MYH2: variants seen among roughly 807,000 people sequenced by gnomAD.
MYH2 encodes myosin heavy chain 2, also known as myosin-2.
A neutral mutation model predicts 228.1 loss-of-function variants in MYH2; 139 were observed. That is an observed-to-expected ratio of 0.61 (90% CI 0.53 to 0.70). The LOEUF is 0.70. MYH2 is among the 30% of genes least tolerant of loss of function. MYH2 has a pLI of 0.00. For synonymous variants in MYH2, 796 were observed against 871.1 expected (o/e 0.91, Z 1.52); for missense variants, 1,809 against 2,357.5 (o/e 0.77, Z 4.82).
At chr17:10,523,981 C>G in intron 35 of MYH2, 97 bp from the exon 36 acceptor site, 2 of 1,188,032 alleles carry the variant, frequency 1.7e-6, no homozygotes, top group Non-Finnish European at 2.4e-6. Flanking sequence ...ATTTGCAAGT[C>G]AAAAAATGCC....
chr17:10,542,958 G>A lies in MYH2; in HGVS notation c.821C>T (p.Ser274Phe). ...AGCCTTAAGCTGGAAAACAACTCTA[G>A]ACTTCTCTAGCAGATCTGGAAGGAA... ...ADIETYLLEK[S>F]RVVFQLKAER... Residue 274 changes from serine to phenylalanine, a missense_variant, in exon 10 of 40, where the codon TCT becomes TTT. Transcript: ENST00000245503. 1 of 1,611,982 alleles carries A rather than the reference G, an allele frequency of 6.2e-7. No individual in the cohort carries two copies. The highest frequency in any genetic ancestry group is 8.5e-7 in the Non-Finnish European group (1 of 1,178,314).
At position 10,528,842 on chromosome 17, in the gene MYH2, G is replaced by A. The variant is rs2073387193; in HGVS notation, c.3592C>T (p.Leu1198=). 1.9e-6 allele frequency: 3 copies of A among 1,614,208 alleles called. No individual in the cohort carries two copies. The highest frequency in any genetic ancestry group is 1.1e-5 in the South Asian group (1 of 91,082). The change falls in exon 27 of 40, where the codon CTG becomes TTG. Residue 1198 remains leucine (L), a synonymous_variant. Transcript: ENST00000245503. Reference sequence around the variant, plus strand: ...ACACTATCTGCATGCTTCTTCCTCAGGGTGGCCGCTGTGGCTTCATGCTGT... The same window carrying A: ...ACACTATCTGCATGCTTCTTCCTCAAGGTGGCCGCTGTGGCTTCATGCTGT... ...TLQHEATAAT[L]RKKHADSVAE...
chr17:10,540,824 T>A, intron 10 of MYH2, 127 bp from the exon 11 acceptor site: 1 of 725,314 alleles, frequency 1.4e-6, no homozygotes, highest in Non-Finnish European at 2.4e-6. Context: ...AGGGACCGGC[T>A]GAAGCCATGG....
At position 10,526,672 on chromosome 17, in the gene MYH2, T is replaced by C; in HGVS notation, c.4114A>G (p.Thr1372Ala). 2 of 1,614,046 alleles carry C rather than the reference T, an allele frequency of 1.2e-6. No homozygotes were observed. The highest frequency in any genetic ancestry group is 1.7e-6 in the Non-Finnish European group (2 of 1,179,904). The change falls in exon 30 of 40, where the codon ACC becomes GCC. Residue 1372 changes from threonine to alanine, a missense_variant. Coordinates refer to ENST00000245503, the MANE Select transcript of MYH2 (RefSeq NM_017534.6). ...ELQRALSKAN[T>A]EVAQWRTKYE... ...TTGGTCCTCCATTGGGCAACCTCGG[T>C]GTTGGCCTTGGACAGTGCTCTCTGC...
At position 10,529,155 on chromosome 17, in the gene MYH2, T is replaced by A. The variant is rs774719133; in HGVS notation, c.3354+7A>T. 2 of 1,614,252 alleles carry A rather than the reference T, an allele frequency of 1.2e-6. No homozygotes were observed. The highest frequency in any genetic ancestry group is 1.7e-6 in the Non-Finnish European group (2 of 1,180,040). On this transcript the variant is annotated splice_region_variant and intron_variant, in intron 26 of 39. Coordinates refer to ENST00000245503, the MANE Select transcript of MYH2 (RefSeq NM_017534.6). ...CCGAGCCAGACTGATGAAAATCATG[T>A]ACTTACTTGCAATTCTTTAATTTTC...
chr17:10,537,592 C>G lies in MYH2; in HGVS notation c.1588-50G>C. The G allele has an allele frequency of 1.2e-6, 2 of 1,613,618 alleles. No individual in the cohort carries two copies. Among genetic ancestry groups the G allele is most frequent in the East Asian group, 2.2e-5 (1 of 44,886 alleles). On this transcript the variant is annotated intron_variant, in intron 15 of 39. Coordinates refer to ENST00000245503, the MANE Select transcript of MYH2 (RefSeq NM_017534.6). The surrounding 1 kb of genome is among the most constrained non-coding windows in gnomAD (Gnocchi z 4.0). ...ATTGTACTTCTATTTTTTTTTCTGT[C>G]TATAGAATTAAAATAAAAAGCAGCG... is the stretch of plus-strand genomic sequence containing the variant.
rs775117033 is a variant in MYH2, at chr17:10,544,022, A to G, written c.534-6T>C. On this transcript the variant is annotated splice_region_variant and splice_polypyrimidine_tract_variant and intron_variant, in intron 6 of 39. Coordinates refer to ENST00000245503, the MANE Select transcript of MYH2 (RefSeq NM_017534.6). ...TCCCTGCACCAGATTCTCCACTGTC[A>G]AATCAAAACTCAATCAGATGTGGTC... The G allele has an allele frequency of 1.9e-6, 3 of 1,614,210 alleles. No individual in the cohort carries two copies. Among genetic ancestry groups the G allele is most frequent in the Non-Finnish European group, 1.7e-6 (2 of 1,180,022 alleles).
In MYH2 at chr17:10,521,315, G is replaced by C; in HGVS notation, c.5791C>G (p.Arg1931Gly). The C allele has an allele frequency of 6.2e-7, 1 of 1,614,012 alleles. No homozygotes were observed. The highest frequency in any genetic ancestry group is 8.5e-7 in the Non-Finnish European group (1 of 1,180,008). Residue 1931 changes from arginine to glycine, a missense_variant, in exon 40 of 40, where the codon CGG becomes GGG. Transcript: ENST00000245503. ...SQVNKLRVKS[R>G]EVHTKVISEE is the part of the protein sequence containing the mutation. ...CTTATGACTTTTGTGTGAACCTCCC[G>C]GCTCTTCACCCGCAGTTTGTTCACC...
At chr17:10,530,141 A>T (rs2073408370) in intron 22 of MYH2, 67 bp from the exon 23 acceptor site, 1 of 1,610,976 alleles carries the variant, frequency 6.2e-7, no homozygotes, top group South Asian at 1.1e-5. Context: ...ATAAGAGTGT[A>T]TGTTTCTGCA....
rs976440321 is a variant in MYH2 at position 10,525,393 on chromosome 17, G to T, written c.4538-45C>A. On this transcript the variant is annotated intron_variant, in intron 32 of 39. Transcript: ENST00000245503. The surrounding 1 kb of genome is among the most constrained non-coding windows in gnomAD (Gnocchi z 4.2). ...CAGGTAGGGATTTGGTTAAACATGT[G>T]ACATAAGGGAGAGATTCTTCCAAGT... The T allele has an allele frequency of 1.9e-6, 3 of 1,613,940 alleles. No individual in the cohort carries two copies. The African/African-American group carries it at 4.0e-5, about 22-fold the overall frequency.
intron 14 of MYH2, among the ~76,000 whole-genome samples, chr17:10,538,516 G>C (rs567378446): frequency 6.6e-6 from 1 of 151,954 alleles, no homozygotes; most frequent in South Asian, 2.1e-4. Flanking sequence ...GTGGTGGCAG[G>C]TGCCTGTAGT....
At chr17:10,544,057 G>A in intron 6 of MYH2, 41 bp from the exon 7 acceptor site, 1 of 1,614,120 alleles carries the variant, frequency 6.2e-7, no homozygotes, top group Non-Finnish European at 8.5e-7. Flanking sequence ...CTCAAACCTA[G>A]CAGCTATCAC....
chr17:10,525,241 C>T lies in MYH2; in HGVS notation c.4645G>A (p.Ala1549Thr), dbSNP rs2073335908. The part of the protein sequence containing the change: ...VEQEKCELQA[A>T]LEEAEASLEH... ...ACATGTACCTCTGCTTCTTCTAAAGCAGCCTGAAGTTCACACTTTTCTTGT... is the reference window on the plus strand; with the variant it reads ...ACATGTACCTCTGCTTCTTCTAAAGTAGCCTGAAGTTCACACTTTTCTTGT... Residue 1549 changes from alanine to threonine, a missense_variant, in exon 33 of 40, where the codon GCT becomes ACT. Coordinates refer to ENST00000245503, the MANE Select transcript of MYH2 (RefSeq NM_017534.6). This position sits in a 1 kb window ranked among gnomAD's most constrained non-coding sequence, Gnocchi z 4.2. 8 of 1,614,130 alleles carry T rather than the reference C, an allele frequency of 5.0e-6. No individual in the cohort carries two copies. The highest frequency in any genetic ancestry group is 1.3e-5 in the African/African-American group (1 of 75,046).
In MYH2 at chr17:10,523,539, G is replaced by A. The variant is rs1567726766; in HGVS notation, c.5429C>T (p.Ala1810Val). 5.0e-6 allele frequency: 8 copies of A among 1,614,186 alleles called. No homozygotes were observed. Among genetic ancestry groups the A allele is most frequent in the Non-Finnish European group, 5.9e-6 (7 of 1,180,044 alleles). The change falls in exon 37 of 40, where the codon GCC (alanine) becomes GTC (valine). Residue 1810 changes from alanine to valine, a missense_variant. This residue lies in a region of MYH2 where 278 missense variants were observed against 308.5 expected (regional missense o/e 0.90). Transcript: ENST00000245503. ...QLRLDEAEQL[A>V]LKGGKKQIQK... ...GATCTGCTTCTTCCCACCCTTCAGGGCCAGCTGCTCAGCCTCATCCAGACG... is the reference window on the plus strand; with the variant it reads ...GATCTGCTTCTTCCCACCCTTCAGGACCAGCTGCTCAGCCTCATCCAGACG...
In MYH2 at chr17:10,537,160, A is replaced by G. The variant is rs2142310287; in HGVS notation, c.1897+73T>C. The G allele has an allele frequency of 3.1e-6, 5 of 1,595,858 alleles. No individual in the cohort carries two copies. The highest frequency in any genetic ancestry group is 4.3e-6 in the Non-Finnish European group (5 of 1,165,874). ...GGTCTGCAACCCTTCTGCCAGACCTAAGAGATCACTAGCTTCAATTTAACA... is the reference window on the plus strand; with the variant it reads ...GGTCTGCAACCCTTCTGCCAGACCTGAGAGATCACTAGCTTCAATTTAACA... On this transcript the variant is annotated intron_variant, in intron 16 of 39. Transcript: ENST00000245503. This position sits in a 1 kb window ranked among gnomAD's most constrained non-coding sequence, Gnocchi z 4.0.
chr17:10,533,195 A>C, intron 21 of MYH2, 90 bp downstream of exon 21: 1 of 1,561,690 alleles, frequency 6.4e-7, no homozygotes. Flanking sequence ...TTTCTTCTTT[A>C]GTGTCCTTAT....
At chr17:10,536,397 T>C (rs2073482324) in intron 17 of MYH2, 133 bp downstream of exon 17, 2 of 668,452 alleles carry the variant, frequency 3.0e-6, no homozygotes. Flanking sequence ...GTAATTTTAA[T>C]AAATGTAATG....
chr17:10,535,750 C>T (rs903699567), intron 17 of MYH2, among the ~76,000 whole-genome samples: 24 of 152,178 alleles, frequency 1.6e-4, no homozygotes, highest in African/African-American at 5.6e-4. Flanking sequence ...AAGCCTGCAC[C>T]ACATTTGGAC....
chr17:10,535,422 C>A, intron 17 of MYH2, 57 bp from the exon 18 acceptor site: 4 of 1,406,874 alleles, frequency 2.8e-6, no homozygotes, highest in Non-Finnish European at 4.0e-6. Flanking sequence ...TATGAGCAGT[C>A]ATTGGTGTCT....
Sources: gnomAD v4.1 joint callset for allele counts (sites outside exome capture counted in the v4.1 genomes callset) on GRCh38, gnomAD v4.1.1 for gene constraint, gnomAD v4.1.1 regional missense constraint, Gnocchi (gnomAD v3.1) non-coding constraint, MANE v1.5 for transcripts, NCBI Gene and HGNC (gene_info 2026-07-23, HGNC 2026-07-21) for gene names.